The following PTCH1 variants were observed in gnomAD, a reference collection of about 807,000 sequenced individuals.
PTCH1 encodes patched 1, also known as protein patched homolog 1.
A neutral mutation model predicts 144.6 loss-of-function variants in PTCH1; 14 were observed. That is an observed-to-expected ratio of 0.10 (90% confidence interval 0.06 to 0.15). The LOEUF (loss-of-function observed/expected upper bound fraction) is 0.15, where lower values mean the gene tolerates loss of function less well. Among genes scored for constraint, PTCH1 ranks in the 10% least tolerant of loss-of-function variants. The pLI is 1.00. For synonymous variants in PTCH1, 833 were observed against 793.6 expected (o/e 1.05, Z -0.83); for missense variants, 1,623 against 1,948.3 (o/e 0.83, Z 3.14).
chr9:95,467,299 C>T lies in PTCH1; in HGVS notation c.2377G>A (p.Ala793Thr), dbSNP rs1554694390. The change falls in exon 15 of 24, where the codon GCA (alanine) becomes ACA (threonine). Residue 793 changes from alanine to threonine, a missense_variant. Ala to Thr is a moderately conservative substitution (Grantham distance 58). Around this residue, in one of 7 missense-constraint regions of PTCH1, gnomAD observed 504 missense variants for 679.3 expected, o/e 0.74. Coordinates refer to ENST00000331920, the MANE Select transcript of PTCH1 (RefSeq NM_000264.5). ...RETREYDFIA[A>T]QFKYFSFYNM... ...TAGAAAGAAAAGTATTTGAATTGTGCAGCAATAAAGTCATATTCTCTGGTT... is the reference window on the plus strand; with the variant it reads ...TAGAAAGAAAAGTATTTGAATTGTGTAGCAATAAAGTCATATTCTCTGGTT... 6.2e-7 allele frequency: 1 copy of T among 1,614,140 alleles called. No homozygotes were observed. Among genetic ancestry groups the T allele is most frequent in the South Asian group, 1.1e-5 (1 of 91,086 alleles).
At chr9:95,460,527 C>T (rs951265142) in intron 16 of PTCH1, among the ~76,000 whole-genome samples, 14 of 152,244 alleles carry the variant, frequency 9.2e-5, no homozygotes, top group African/African-American at 2.6e-4. Context: ...CCTCATTCCT[C>T]GCTTTGGGTC....
Position 95,508,449 on chromosome 9 carries a change from G to T in PTCH1, c.-88C>A, listed in dbSNP as rs540359284. 30 of 1,028,272 alleles carry T rather than the reference G, an allele frequency of 2.9e-5. No homozygotes were observed. Among genetic ancestry groups the T allele is most frequent in the Non-Finnish European group, 3.4e-5 (29 of 858,838 alleles). The allele number at this position is 1,028,272 out of a possible 1,614,324, so 63.7% of individuals were successfully genotyped here. On this transcript the variant is annotated 5_prime_UTR_variant, in exon 1 of 24. Coordinates refer to ENST00000331920, the MANE Select transcript of PTCH1 (RefSeq NM_000264.5). ...TGCCGCTGCTGCGGGCTCCTGGCGC[G>T]CCTGGGCGCTCGGCTTGCGAGGACG... is the stretch of plus-strand genomic sequence containing the variant.
At chr9:95,478,603 G>A (rs182954388) in intron 8 of PTCH1, among the ~76,000 whole-genome samples, 54 of 152,322 alleles carry the variant, frequency 3.5e-4, no homozygotes, top group African/African-American at 1.3e-3. Context: ...GTCACATGCA[G>A]CTCAGTAGAG....
At position 95,449,700 on chromosome 9, in the gene PTCH1, G is replaced by A; in HGVS notation, c.3549+141C>T. Reference sequence around the variant, plus strand: ...GCCCTCAAAGCCAGTACACCGAAGAGGAAAACAGACATGACTCTGAGATGT... The same window carrying A: ...GCCCTCAAAGCCAGTACACCGAAGAAGAAAACAGACATGACTCTGAGATGT... On this transcript the variant is annotated intron_variant, in intron 21 of 23. Transcript: ENST00000331920. This position sits in a 1 kb window ranked among gnomAD's most constrained non-coding sequence, Gnocchi z 5.3. 1 of 897,690 alleles carries A rather than the reference G, an allele frequency of 1.1e-6. No homozygotes were observed. The highest frequency in any genetic ancestry group is 2.6e-5 in the East Asian group (1 of 37,882). The allele number at this position is 897,690 out of a possible 1,614,324, so 55.6% of individuals were successfully genotyped here.
At chr9:95,514,492 TGAAAG>T (rs1352922115) in intron 1 of PTCH1, 1 of 152,180 alleles carries the variant, frequency 6.6e-6, no homozygotes, top group Non-Finnish European at 1.5e-5. Flanking sequence ...GCATGAGAAA[TGAAAG>T]GGAAGTAAAA....
chr9:95,507,399 C>A, intron 1 of PTCH1: 3 of 985,536 alleles, frequency 3.0e-6, no homozygotes, highest in Non-Finnish European at 3.6e-6. Context: ...GGCGGGCCCC[C>A]GTCTGGGTGC....
intron 2 of PTCH1, chr9:95,494,327 T>C: frequency 1.0e-6 from 1 of 985,434 alleles, no homozygotes; most frequent in Non-Finnish European, 1.2e-6. Flanking sequence ...CTGCTGCCTG[T>C]CGCAGCTCCC....
Position 95,481,972 on chromosome 9 carries a change from T to C in PTCH1, c.723A>G (p.Leu241=), listed in dbSNP as rs2118461122. The stretch of plus-strand genomic sequence containing the variant: ...ACAGGAGGTATGCTGTCCCAGACTG[T>C]AATTTCGCCCCTTCCCAGAAGCAGT... The part of the protein sequence containing the change: ...PLDCFWEGAK[L]QSGTAYLLGK... Residue 241 remains leucine (L), a synonymous_variant, in exon 5 of 24, where the codon TTA becomes TTG. Transcript: ENST00000331920. 1.2e-6 allele frequency: 2 copies of C among 1,613,468 alleles called. No homozygotes were observed. The highest frequency in any genetic ancestry group is 1.7e-6 in the Non-Finnish European group (2 of 1,179,348).
At chr9:95,506,707 C>T in intron 1 of PTCH1, 108 bp from the exon 2 acceptor site, 2 of 1,158,612 alleles carry the variant, frequency 1.7e-6, no homozygotes, top group Non-Finnish European at 1.1e-6. Flanking sequence ...CGTGGGGGCG[C>T]GGGTGGCCGC....
rs760670294 is a variant in PTCH1, at chr9:95,508,226, C to G, written c.136G>C (p.Asp46His). 1.3e-5 allele frequency: 21 copies of G among 1,611,074 alleles called. No homozygotes were observed. Among genetic ancestry groups the G allele is most frequent in the Non-Finnish European group, 1.7e-5 (20 of 1,179,530 alleles). Reference protein sequence around the residue: ...TGGLRRAAAPDRDYLHRPSYC... With the variant: ...TGGLRRAAAPHRDYLHRPSYC... Reference sequence around the variant, plus strand: ...CTGGGCCGGTGCAGATAGTCCCGGTCCGGCGCGGCAGCACGGCGCAGCCCC... The same window carrying G: ...CTGGGCCGGTGCAGATAGTCCCGGTGCGGCGCGGCAGCACGGCGCAGCCCC... Residue 46 changes from aspartate (D) to histidine (H), a missense_variant, in exon 1 of 24, where the codon GAC (aspartate) becomes CAC (histidine). By Grantham distance (81) the Asp-to-His change is moderately conservative. This residue lies in a region of PTCH1 where 245 missense variants were observed against 240.6 expected (regional missense o/e 1.02). Transcript: ENST00000331920.
upstream of PTCH1, among the ~76,000 whole-genome samples, chr9:95,510,409 G>A (rs1054457746): frequency 6.6e-6 from 1 of 152,180 alleles, no homozygotes; most frequent in Admixed American, 6.5e-5. Flanking sequence ...TGTCACCAAG[G>A]CATCCCGGGG....
exon 1 of PTCH1, chr9:95,516,679 C>T (rs1285961758): frequency 8.8e-6 from 14 of 1,592,940 alleles, no homozygotes; most frequent in Non-Finnish European, 1.1e-5. Context: ...CCTCCGTTTT[C>T]TTCTTCTTCT....
In PTCH1 at chr9:95,449,792, A is replaced by T. The variant is rs1223527188; in HGVS notation, c.3549+49T>A. 1 of 1,519,500 alleles carries T rather than the reference A, an allele frequency of 6.6e-7. No homozygotes were observed. The highest frequency in any genetic ancestry group is 1.1e-5 in the South Asian group (1 of 88,498). The allele number at this position is 1,519,500 out of a possible 1,614,324, so 94.1% of individuals were successfully genotyped here. A position where few individuals can be genotyped will look rare whatever the true frequency, so the allele number is the denominator to read the frequency against. On this transcript the variant is annotated intron_variant, in intron 21 of 23. Coordinates refer to ENST00000331920, the MANE Select transcript of PTCH1 (RefSeq NM_000264.5). The surrounding 1 kb of genome is among the most constrained non-coding windows in gnomAD (Gnocchi z 5.3). ...CGAAGTGAAGAGCGGCACAGGAAACACAGCATTCAGCCGGCCTACACGTGG... is the reference window on the plus strand; with the variant it reads ...CGAAGTGAAGAGCGGCACAGGAAACTCAGCATTCAGCCGGCCTACACGTGG...
At chr9:95,473,911 T>C in intron 12 of PTCH1, 1 of 362,652 alleles carries the variant, frequency 2.8e-6, no homozygotes, top group Non-Finnish European at 5.5e-6. Flanking sequence ...ATGAGGACTC[T>C]TGGAAGCTAT....
intron 12 of PTCH1, among the ~76,000 whole-genome samples, chr9:95,471,723 A>G (rs1165154357): frequency 6.6e-6 from 1 of 152,126 alleles, no homozygotes; most frequent in African/African-American, 2.4e-5. Flanking sequence ...GCTTCCCGGG[A>G]GAGGCTTCAG....
At chr9:95,453,378 C>A (rs1838639638) in intron 20 of PTCH1, 100 bp downstream of exon 20, 3 of 1,562,846 alleles carry the variant, frequency 1.9e-6, no homozygotes, top group South Asian at 2.2e-5. Context: ...GATCCACCCG[C>A]CTCGGCCTCC....
At chr9:95,515,774 A>G (rs893785430) in intron 1 of PTCH1, among the ~76,000 whole-genome samples, 2 of 151,942 alleles carry the variant, frequency 1.3e-5, no homozygotes, top group African/African-American at 4.8e-5. Flanking sequence ...TCTCTTACCC[A>G]CCGCCCCTTC....
chr9:95,493,607 G>T (rs912123238), intron 2 of PTCH1, among the ~76,000 whole-genome samples: 1 of 152,196 alleles, frequency 6.6e-6, no homozygotes, highest in African/African-American at 2.4e-5. Context: ...CTGTGTATAT[G>T]CAAGCGTTGC....
chr9:95,494,712 C>G (rs1842675830), intron 2 of PTCH1, among the ~76,000 whole-genome samples: 2 of 152,184 alleles, frequency 1.3e-5, no homozygotes, highest in Non-Finnish European at 2.9e-5. Context: ...CAGCAGAACC[C>G]AGGAACCAAC....
Sources: allele counts gnomAD v4.1 joint callset (sites outside exome capture counted in the v4.1 genomes callset), GRCh38; gene constraint gnomAD v4.1.1; regional missense constraint gnomAD v4.1.1; non-coding constraint Gnocchi (gnomAD v3.1); transcripts MANE v1.5; gene names NCBI Gene and HGNC (gene_info 2026-07-23, HGNC 2026-07-21).